Variants in PPIG observed in about 807,000 individuals in gnomAD.
The protein encoded by PPIG is peptidylprolyl isomerase G, also known as peptidyl-prolyl cis-trans isomerase G.
A neutral mutation model predicts 87.9 loss-of-function variants in PPIG; 26 were observed. The ratio of observed to expected loss-of-function variants is 0.30; its 90% CI spans 0.22 to 0.41. The LOEUF is 0.41. PPIG is among the 10% of genes least tolerant of loss of function. The pLI is 1.00. For synonymous variants in PPIG, 308 were observed against 276.5 expected, an observed-to-expected ratio of 1.11 and a Z score of -1.13; for missense variants, 722 against 879.4, an observed-to-expected ratio of 0.82 and a Z score of 2.26.
At chr2:169,607,558 A>G (rs1052762658) in intron 6 of PPIG, among the ~76,000 whole-genome samples, 2 of 152,192 alleles carry the variant, frequency 1.3e-5, no homozygotes, top group Non-Finnish European at 2.9e-5. Context: ...CAAAAATTTA[A>G]GTTTTCTTGC....
At chr2:169,609,259 A>G (rs1193736821) in intron 7 of PPIG, among the ~76,000 whole-genome samples, 1 of 152,006 alleles carries the variant, frequency 6.6e-6, no homozygotes, top group African/African-American at 2.4e-5. Flanking sequence ...CACCCAGGCG[A>G]GTGCAGTGTT....
At chr2:169,624,760 T>C (rs1282541562) in intron 9 of PPIG, among the ~76,000 whole-genome samples, 1 of 151,964 alleles carries the variant, frequency 6.6e-6, no homozygotes, top group African/African-American at 2.4e-5. Context: ...GCTAATTTCT[T>C]TTTGTATTTT....
intron 12 of PPIG, among the ~76,000 whole-genome samples, chr2:169,635,366 G>A (rs1686154373): frequency 6.6e-6 from 1 of 152,070 alleles, no homozygotes; most frequent in South Asian, 2.1e-4. Flanking sequence ...TGTTTGGTCT[G>A]TCTTCTCATC....
intron 6 of PPIG, among the ~76,000 whole-genome samples, chr2:169,608,388 C>A (rs966166922): frequency 1.3e-5 from 2 of 152,026 alleles, no homozygotes; most frequent in African/African-American, 4.8e-5. Flanking sequence ...ACTCAGGAGG[C>A]TGAGGCAGGA....
intron 1 of PPIG, among the ~76,000 whole-genome samples, chr2:169,588,365 C>G (rs1017238788): frequency 6.6e-6 from 1 of 152,022 alleles, no homozygotes; most frequent in Non-Finnish European, 1.5e-5. Context: ...TGTGAGTAAA[C>G]TAGTTTTTAC....
chr2:169,638,426 G>T lies in PPIG; in HGVS notation c.*903G>T, dbSNP rs1686239358. The T allele has an allele frequency of 6.6e-6, 1 of 151,640 alleles. No homozygotes were observed. The highest frequency in any genetic ancestry group is 2.4e-5 in the African/African-American group (1 of 41,312). The allele number at this position is 151,640 out of a possible 1,614,324, so 9.4% of individuals were successfully genotyped here. A position where few individuals can be genotyped will look rare whatever the true frequency, so the allele number is the denominator to read the frequency against. ...AGATTCTAAAAATTGTTAGTATTGA[G>T]ACATTAACTTCTAAGATTTCTCTTT... On this transcript the variant is annotated 3_prime_UTR_variant, in exon 14 of 14. Transcript: ENST00000260970.
At chr2:169,600,649 A>C (rs1435529894) in intron 1 of PPIG, among the ~76,000 whole-genome samples, 1 of 152,168 alleles carries the variant, frequency 6.6e-6, no homozygotes, top group Non-Finnish European at 1.5e-5. Context: ...GACACTTTAA[A>C]AATGTCATTG....
rs750998661 is a variant in PPIG, at chr2:169,637,541, A to C, written c.*18A>C. 6.6e-7 allele frequency: 1 copy of C among 1,518,670 alleles called. No homozygotes were observed. The highest frequency in any genetic ancestry group is 8.8e-7 in the Non-Finnish European group (1 of 1,141,604). 94.1% of individuals were successfully genotyped at this position (1,518,670 alleles called of 1,614,324 possible). A position where few individuals can be genotyped will look rare whatever the true frequency, so the allele number is the denominator to read the frequency against. Reference sequence around the variant, plus strand: ...GCGGATGAGTGAGTTATATAAACTTACTTCCATTCTGTTTCGGATTTTAAG... The same window carrying C: ...GCGGATGAGTGAGTTATATAAACTTCCTTCCATTCTGTTTCGGATTTTAAG... On this transcript the variant is annotated 3_prime_UTR_variant, in exon 14 of 14. Transcript: ENST00000260970.
rs1057328721 is a variant in PPIG at position 169,641,262 on chromosome 2, A to G, written c.*3739A>G. The G allele has an allele frequency of 3.3e-5, 5 of 152,172 alleles. No homozygotes were observed. The highest frequency in any genetic ancestry group is 1.2e-4 in the African/African-American group (5 of 41,438). 9.4% of individuals were successfully genotyped at this position (152,172 alleles called of 1,614,324 possible). On this transcript the variant is annotated 3_prime_UTR_variant, in exon 14 of 14. Transcript: ENST00000260970. ...AAGCTGTTGTCTTCTCAATTGTAAA[A>G]TTAGTTTCAAAATGCTGCTTCTCTT... is the stretch of plus-strand genomic sequence containing the variant.
At chr2:169,588,638 TTTTTGG>T (rs1417374456) in intron 1 of PPIG, among the ~76,000 whole-genome samples, 1 of 152,116 alleles carries the variant, frequency 6.6e-6, no homozygotes, top group Non-Finnish European at 1.5e-5. Flanking sequence ...TTCTTTTTTG[TTTTTGG>T]TTTTGGTAAA....
intron 9 of PPIG, 77 bp from the exon 10 acceptor site, chr2:169,630,697 T>A: frequency 8.1e-7 from 1 of 1,237,358 alleles, no homozygotes; most frequent in Non-Finnish European, 1.2e-6. Context: ...TTAGTGAGAA[T>A]CTGCAGAAAA....
intron 1 of PPIG, among the ~76,000 whole-genome samples, chr2:169,593,618 A>G (rs1049773828): frequency 4.6e-5 from 7 of 150,664 alleles, no homozygotes; most frequent in African/African-American, 7.3e-5. Context: ...AGTTTACACA[A>G]TCATCATTAT....
chr2:169,602,054 T>C (rs1685198278), intron 1 of PPIG, among the ~76,000 whole-genome samples: 1 of 152,178 alleles, frequency 6.6e-6, no homozygotes, highest in Admixed American at 6.5e-5. Context: ...CACACATAAG[T>C]ACTTAATACA....
chr2:169,633,103 T>G, intron 11 of PPIG, 57 bp from the exon 12 acceptor site: 12 of 1,292,216 alleles, frequency 9.3e-6, no homozygotes, highest in Non-Finnish European at 1.3e-5. Flanking sequence ...AAGTAACATG[T>G]CTGGCCAACA....
At chr2:169,591,973 C>A (rs745502680) in intron 1 of PPIG, among the ~76,000 whole-genome samples, 4 of 116,090 alleles carry the variant, frequency 3.4e-5, no homozygotes, top group Non-Finnish European at 6.4e-5. Context: ...GTTGGCCAGG[C>A]TGGAGTGTAG....
intron 1 of PPIG, among the ~76,000 whole-genome samples, chr2:169,599,465 T>TA (rs1028393016): frequency 1.4e-4 from 21 of 151,510 alleles, no homozygotes; most frequent in Middle Eastern, 3.4e-3. Flanking sequence ...TACTGTTATT[T>TA]AAAAAAAAAC....
intron 11 of PPIG, among the ~76,000 whole-genome samples, chr2:169,632,784 A>G (rs1686091565): frequency 1.3e-5 from 2 of 151,536 alleles, no homozygotes; most frequent in Admixed American, 6.6e-5. Flanking sequence ...CCAAAAGTAG[A>G]AAAAGGAATA....
At chr2:169,594,075 AT>A (rs2105475242) in intron 1 of PPIG, among the ~76,000 whole-genome samples, 1 of 152,248 alleles carries the variant, frequency 6.6e-6, no homozygotes, top group East Asian at 1.9e-4. Flanking sequence ...GCTTTTGATT[AT>A]ATGTTGCTAA....
intron 1 of PPIG, among the ~76,000 whole-genome samples, chr2:169,588,234 C>T (rs935661620): frequency 2.0e-5 from 3 of 151,742 alleles, no homozygotes; most frequent in Non-Finnish European, 4.4e-5. Flanking sequence ...GAAGCATATT[C>T]GTGTGTGTGT....
Sources: gnomAD v4.1 joint callset for allele counts (sites outside exome capture counted in the v4.1 genomes callset) on GRCh38, gnomAD v4.1.1 for gene constraint, MANE v1.5 for transcripts, NCBI Gene and HGNC (gene_info 2026-07-23, HGNC 2026-07-21) for gene names.